The following CPAMD8 variants were observed in gnomAD, a reference collection of about 807,000 sequenced individuals.
The protein encoded by CPAMD8 is C3 and PZP like alpha-2-macroglobulin domain containing 8.
Under a neutral mutation model 224.7 loss-of-function variants are expected in CPAMD8, and 146 were observed. The ratio of observed to expected loss-of-function variants is 0.65; its 90% CI spans 0.57 to 0.75. The LOEUF (loss-of-function observed/expected upper bound fraction) is 0.75, where lower values mean the gene tolerates loss of function less well. Among genes scored for constraint, CPAMD8 ranks in the 30% least tolerant of loss-of-function variants. The pLI is 0.00. For missense variants in CPAMD8, 2,301 were observed against 2,537.5 expected (o/e 0.91, Z 2.00); for synonymous variants, 966 against 1,044.6 (o/e 0.92, Z 1.45).
chr19:16,987,199 T>A, intron 13 of CPAMD8, among the ~76,000 whole-genome samples: 1 of 124,974 alleles, frequency 8.0e-6, no homozygotes, highest in African/African-American at 3.0e-5. Flanking sequence ...TATATATATA[T>A]ATATATATAT....
At chr19:16,997,765 T>C (rs2056181135) in intron 10 of CPAMD8, among the ~76,000 whole-genome samples, 1 of 151,674 alleles carries the variant, frequency 6.6e-6, no homozygotes, top group Admixed American at 6.6e-5. Context: ...GGCATGAGAA[T>C]CGCTTGAACC....
At position 17,017,615 on chromosome 19, in the gene CPAMD8, G is replaced by A. The variant is rs551292992; in HGVS notation, c.267+2716C>T. ...CCAGATGCCAGTAGCACCTGGCACC[G>A]CCCAGCCCCAACCCAGCTGTGACAA... On this transcript the variant is annotated intron_variant, in intron 3 of 41. Transcript: ENST00000443236. Among the ~76,000 whole-genome samples, 10 of 152,284 alleles carry A rather than the reference G, an allele frequency of 6.6e-5. No homozygotes were observed. The East Asian group carries it at 7.7e-4, about 12-fold the overall frequency.
At chr19:16,984,330 A>AGAG (rs1440585686) in intron 13 of CPAMD8, among the ~76,000 whole-genome samples, 1 of 132,558 alleles carries the variant, frequency 7.5e-6, no homozygotes, top group Non-Finnish European at 1.5e-5. Flanking sequence ...AAAAAAAAAA[A>AGAG]AGAGAGAGAG....
At position 16,977,311 on chromosome 19, in the gene CPAMD8, T is replaced by C. The variant is rs3826728; in HGVS notation, c.1758+57A>G. 427,936 of 1,230,498 alleles carry C rather than the reference T, an allele frequency of 0.35. 81,015 individuals carry two copies. The highest frequency in any genetic ancestry group is 0.69 in the African/African-American group (45,941 of 66,338). The allele number at this position is 1,230,498 out of a possible 1,614,324, so 76.2% of individuals were successfully genotyped here. The stretch of plus-strand genomic sequence containing the variant: ...GTGCACAGACCCCCTGGCCAGCACC[T>C]TGGAGAAGCCCCGATGGCCCCTGGC... On this transcript the variant is annotated intron_variant, in intron 15 of 41. Coordinates refer to ENST00000443236, the MANE Select transcript of CPAMD8 (RefSeq NM_015692.5).
Position 16,944,640 on chromosome 19 carries a change from TCA to T in CPAMD8, c.2793+907_2793+908del, listed in dbSNP as rs2054010370. Reference sequence around the variant, plus strand: ...ATCTGGACCCTCCCACCCTGCTGGCTCACAGAGATCTCGGTCCCCACCTGACA... The same window carrying T: ...ATCTGGACCCTCCCACCCTGCTGGCTCAGAGATCTCGGTCCCCACCTGACA... On this transcript the variant is annotated intron_variant, in intron 22 of 41. Transcript: ENST00000443236. Among the ~76,000 whole-genome samples, 13 of 152,116 alleles carry T rather than the reference TCA, an allele frequency of 8.5e-5. No individual in the cohort carries two copies. The South Asian group carries it at 2.7e-3, about 32-fold the overall frequency.
chr19:16,905,540 CAAAAAAA>C (rs5827346), intron 30 of CPAMD8, among the ~76,000 whole-genome samples: 4 of 80,392 alleles, frequency 5.0e-5, no homozygotes, highest in Non-Finnish European at 9.1e-5. Context: ...AACTCCGTTT[CAAAAAAA>C]AAAAAAAAAA....
At chr19:16,919,687 C>T (rs889081548) in intron 27 of CPAMD8, among the ~76,000 whole-genome samples, 6 of 152,252 alleles carry the variant, frequency 3.9e-5, no homozygotes, top group Admixed American at 6.5e-5. Flanking sequence ...TTCTCCTGCA[C>T]TGGGCAGCGA....
chr19:16,940,843 A>T (rs919020546), intron 22 of CPAMD8, among the ~76,000 whole-genome samples: 2 of 152,248 alleles, frequency 1.3e-5, no homozygotes, highest in African/African-American at 4.8e-5. Flanking sequence ...CTTAGGCCTC[A>T]GTAACCCCCC....
chr19:16,938,353 C>A, intron 23 of CPAMD8, 42 bp downstream of exon 23: 2 of 1,225,640 alleles, frequency 1.6e-6, no homozygotes, highest in Non-Finnish European at 1.1e-6. Flanking sequence ...CCTGACCCAG[C>A]CAGGTGGCCA....
intron 35 of CPAMD8, 75 bp from the exon 36 acceptor site, chr19:16,901,372 T>C: frequency 2.0e-6 from 2 of 1,001,428 alleles, no homozygotes; most frequent in Non-Finnish European, 3.1e-6. Flanking sequence ...CCTCTCCCCC[T>C]GGAGCCCACA....
intron 22 of CPAMD8, 127 bp from the exon 23 acceptor site, chr19:16,938,573 T>C: frequency 1.6e-6 from 1 of 616,808 alleles, no homozygotes; most frequent in Non-Finnish European, 2.9e-6. Context: ...TTCCAGGTTT[T>C]ACGTGGTATC....
intron 13 of CPAMD8, among the ~76,000 whole-genome samples, chr19:16,982,191 C>T (rs1390197448): frequency 6.6e-6 from 1 of 151,756 alleles, no homozygotes; most frequent in East Asian, 1.9e-4. Context: ...TCTAGGAGTT[C>T]AAGACCCGCC....
chr19:16,980,035 C>T (rs2055451206), intron 14 of CPAMD8, among the ~76,000 whole-genome samples: 1 of 152,076 alleles, frequency 6.6e-6, no homozygotes, highest in Non-Finnish European at 1.5e-5. Context: ...CTGGAGTGAT[C>T]CACCCCCTTA....
chr19:16,900,276 T>C (rs557220659), intron 36 of CPAMD8, among the ~76,000 whole-genome samples: 3 of 152,252 alleles, frequency 2.0e-5, no homozygotes, highest in East Asian at 3.9e-4. Context: ...CATGGAACTT[T>C]GCTGAAGTTC....
intron 24 of CPAMD8, among the ~76,000 whole-genome samples, chr19:16,928,535 C>T (rs554408589): frequency 2.0e-4 from 30 of 152,262 alleles, no homozygotes; most frequent in African/African-American, 5.3e-4. Flanking sequence ...TTTTGCCTAG[C>T]GAACTCCTAT....
intron 27 of CPAMD8, among the ~76,000 whole-genome samples, chr19:16,916,730 C>A (rs1265297943): frequency 1.3e-5 from 2 of 151,800 alleles, no homozygotes; most frequent in African/African-American, 2.4e-5. Flanking sequence ...CAAAATGAGA[C>A]CCTGTCTCAG....
At chr19:16,918,442 C>CT (rs869059553) in intron 27 of CPAMD8, among the ~76,000 whole-genome samples, 8,314 of 39,324 alleles carry the variant, frequency 0.21, 757 homozygotes, top group African/African-American at 0.32. Context: ...ATTTTTAAAA[C>CT]TTTTTTTTTT....
intron 19 of CPAMD8, among the ~76,000 whole-genome samples, chr19:16,957,050 G>GGACAGATAGCCTGTCT (rs1355151712): frequency 6.6e-6 from 1 of 152,196 alleles, no homozygotes; most frequent in Non-Finnish European, 1.5e-5. Context: ...GAATGATGAT[G>GGACAGATAGCCTGTCT]GACAGATAGC....
At chr19:16,979,183 C>A (rs2055397992) in intron 14 of CPAMD8, among the ~76,000 whole-genome samples, 1 of 151,216 alleles carries the variant, frequency 6.6e-6, no homozygotes, top group African/African-American at 2.4e-5. Context: ...TCCATCCATT[C>A]ATCTATTCAT....
Sources: gnomAD v4.1 joint callset for allele counts (sites outside exome capture counted in the v4.1 genomes callset) on GRCh38, gnomAD v4.1.1 for gene constraint, MANE v1.5 for transcripts, NCBI Gene and HGNC (gene_info 2026-07-23, HGNC 2026-07-21) for gene names.